FSTL5: variants seen among roughly 807,000 people sequenced by gnomAD.
FSTL5 encodes follistatin like 5.
In FSTL5, 62 loss-of-function variants were observed where a neutral mutation model predicts 89.1. The ratio of observed to expected loss-of-function variants is 0.70; its 90% CI spans 0.57 to 0.86. The LOEUF (loss-of-function observed/expected upper bound fraction) is 0.86, where lower values mean the gene tolerates loss of function less well. Ranked by LOEUF, FSTL5 falls within the 40% of genes least tolerant of loss-of-function variation. FSTL5 has a pLI of 0.00. For synonymous variants in FSTL5, 383 were observed against 346.2 expected (o/e 1.11, Z -1.18); for missense variants, 1,057 against 1,001.6 (o/e 1.06, Z -0.75).
intron 1 of FSTL5, among the ~76,000 whole-genome samples, chr4:162,158,453 CTT>C (rs928836839): frequency 7.2e-5 from 11 of 151,852 alleles, no homozygotes; most frequent in African/African-American, 1.7e-4. Flanking sequence ...ATTTCAATGA[CTT>C]AATAATTAAG....
At chr4:161,840,548 T>C (rs571776941) in intron 4 of FSTL5, among the ~76,000 whole-genome samples, 1 of 152,204 alleles carries the variant, frequency 6.6e-6, no homozygotes, top group African/African-American at 2.4e-5. Flanking sequence ...CCAAACCCTG[T>C]TGATATCTAC....
intron 3 of FSTL5, among the ~76,000 whole-genome samples, chr4:161,967,406 GA>G (rs983381389): frequency 2.0e-5 from 3 of 148,646 alleles, no homozygotes; most frequent in South Asian, 4.2e-4. Flanking sequence ...CACAAAAATA[GA>G]AAAAAATTAA....
At chr4:161,733,554 G>T (rs1301947623) in intron 6 of FSTL5, among the ~76,000 whole-genome samples, 1 of 151,994 alleles carries the variant, frequency 6.6e-6, no homozygotes, top group African/African-American at 2.4e-5. Flanking sequence ...AATACACGTG[G>T]TGAGAGCAGA....
intron 2 of FSTL5, among the ~76,000 whole-genome samples, chr4:162,035,599 C>T (rs1418511325): frequency 1.3e-5 from 2 of 152,024 alleles, no homozygotes; most frequent in Admixed American, 1.3e-4. Flanking sequence ...CAGACTAGCA[C>T]TTGGGGCATT....
chr4:161,959,791 A>T (rs534639801), intron 3 of FSTL5, among the ~76,000 whole-genome samples: 4 of 152,248 alleles, frequency 2.6e-5, no homozygotes, highest in African/African-American at 9.6e-5. Context: ...AAGCTAATTC[A>T]GAGGTGTGCT....
intron 6 of FSTL5, among the ~76,000 whole-genome samples, chr4:161,684,467 G>A (rs1053989511): frequency 7.9e-5 from 12 of 152,238 alleles, no homozygotes; most frequent in African/African-American, 2.4e-4. Flanking sequence ...CATTCTTGCC[G>A]GAGTTAGGTT....
At chr4:161,637,815 T>G (rs182709175) in intron 7 of FSTL5, among the ~76,000 whole-genome samples, 3,190 of 115,700 alleles carry the variant, frequency 0.028, 80 homozygotes, top group African/African-American at 0.1. Context: ...TCTGTTCCAT[T>G]GATCTATATC....
chr4:161,732,926 C>A (rs1398441088), intron 6 of FSTL5, among the ~76,000 whole-genome samples: 1 of 150,864 alleles, frequency 6.6e-6, no homozygotes, highest in Admixed American at 6.6e-5. Context: ...GATATTAATT[C>A]TTCAGCTTTT....
At chr4:162,143,071 T>C (rs962452408) in intron 1 of FSTL5, among the ~76,000 whole-genome samples, 2 of 152,136 alleles carry the variant, frequency 1.3e-5, no homozygotes, top group African/African-American at 2.4e-5. Flanking sequence ...TGTCTGTAAT[T>C]GTGTAGCAAT....
chr4:161,628,259 G>C (rs1346010108), intron 7 of FSTL5, among the ~76,000 whole-genome samples: 2 of 152,022 alleles, frequency 1.3e-5, no homozygotes, highest in African/African-American at 2.4e-5. Flanking sequence ...TTTTTATACA[G>C]ACTTAATTGA....
At chr4:161,776,781 AT>A (rs1297195219) in intron 4 of FSTL5, among the ~76,000 whole-genome samples, 1 of 151,954 alleles carries the variant, frequency 6.6e-6, no homozygotes, top group East Asian at 1.9e-4. Context: ...TACATGTGGT[AT>A]TTTGAGACAG....
At chr4:161,467,788 C>A (rs373476067) in intron 13 of FSTL5, among the ~76,000 whole-genome samples, 1 of 151,994 alleles carries the variant, frequency 6.6e-6, no homozygotes, top group Non-Finnish European at 1.5e-5. Context: ...TCTAAAGAGG[C>A]GCACAGGCTG....
intron 10 of FSTL5, among the ~76,000 whole-genome samples, chr4:161,527,635 T>C (rs1731270919): frequency 6.6e-6 from 1 of 151,830 alleles, no homozygotes; most frequent in South Asian, 2.1e-4. Flanking sequence ...CATTAAAAAG[T>C]CAGGAAACAA....
chr4:161,477,447 A>G (rs938517757), intron 13 of FSTL5, among the ~76,000 whole-genome samples: 1 of 150,312 alleles, frequency 6.7e-6, no homozygotes, highest in Admixed American at 6.6e-5. Flanking sequence ...AGTTTATTAC[A>G]CTTTATGCAA....
intron 4 of FSTL5, among the ~76,000 whole-genome samples, chr4:161,889,994 A>G (rs1051775969): frequency 3.3e-5 from 5 of 152,220 alleles, no homozygotes; most frequent in Non-Finnish European, 7.3e-5. Context: ...AGAAGATTAG[A>G]AAAATCAGTG....
chr4:161,852,013 T>C (rs1356005679), intron 4 of FSTL5, among the ~76,000 whole-genome samples: 1 of 152,048 alleles, frequency 6.6e-6, no homozygotes, highest in African/African-American at 2.4e-5. Flanking sequence ...TTGTAAGTCA[T>C]AGCATTATCA....
chr4:162,111,708 A>C (rs1731451648), intron 1 of FSTL5, among the ~76,000 whole-genome samples: 1 of 152,150 alleles, frequency 6.6e-6, no homozygotes, highest in Admixed American at 6.6e-5. Context: ...AAAAGGGGAA[A>C]ATAGAGAAAA....
intron 13 of FSTL5, among the ~76,000 whole-genome samples, chr4:161,465,746 T>C (rs1733727484): frequency 1.3e-5 from 2 of 152,210 alleles, no homozygotes; most frequent in Non-Finnish European, 2.9e-5. Context: ...TTCTGTAAGA[T>C]TTTATTTAAG....
chr4:162,088,358 G>T (rs1272664090), intron 2 of FSTL5, among the ~76,000 whole-genome samples: 2 of 151,860 alleles, frequency 1.3e-5, no homozygotes, highest in African/African-American at 4.8e-5. Flanking sequence ...TTTTGAAGTT[G>T]CTTGGAAAAT....
Sources: allele counts gnomAD v4.1 joint callset (sites outside exome capture counted in the v4.1 genomes callset), GRCh38; gene constraint gnomAD v4.1.1; transcripts MANE v1.5; gene names NCBI Gene and HGNC (gene_info 2026-07-23, HGNC 2026-07-21).